The following COL17A1 variants were observed in gnomAD, a reference collection of about 807,000 sequenced individuals.
The protein encoded by COL17A1 is collagen alpha-1(XVII) chain.
COL17A1 carries 181 observed loss-of-function variants against 218.4 expected under a neutral mutation model. The observed-to-expected ratio is 0.83, with a 90% CI of 0.73 to 0.94. COL17A1 has a LOEUF of 0.94. Ranked by LOEUF, COL17A1 falls within the 40% of genes least tolerant of loss-of-function variation. The pLI is 0.00. For missense variants in COL17A1, 1,924 were observed against 1,945.9 expected (o/e 0.99, Z 0.21); for synonymous variants, 721 against 731.0 (o/e 0.99, Z 0.22).
At chr10:104,067,289 A>G (rs766553652) in intron 9 of COL17A1, among the ~76,000 whole-genome samples, 2 of 149,922 alleles carry the variant, frequency 1.3e-5, no homozygotes, top group African/African-American at 2.4e-5. Context: ...AGCTTCAACA[A>G]GTAAAAGAGG....
At chr10:104,046,384 C>T (rs964787086) in intron 32 of COL17A1, among the ~76,000 whole-genome samples, 15 of 152,194 alleles carry the variant, frequency 9.9e-5, no homozygotes, top group Middle Eastern at 3.2e-3. Context: ...CAAGGATGAG[C>T]GCCCATGCCC....
At chr10:104,063,423 CT>C in intron 11 of COL17A1, 1 of 357,988 alleles carries the variant, frequency 2.8e-6, no homozygotes, top group Admixed American at 3.9e-5. Flanking sequence ...TAAAATCCTT[CT>C]AAATTAACAA....
Position 104,057,021 on chromosome 10 carries a change from G to A in COL17A1, c.1419C>T (p.Leu473=). ...SWWKWLLGLL[L]TWLLLLGLLF... ...GCAGCCCCAGGAGTAGCAGCCAGGT[G>A]AGCAGCAGGCCCAGCAGCCACTTCC... Residue 473 remains leucine (L), a synonymous_variant, in exon 17 of 56, where the codon CTC becomes CTT. Transcript: ENST00000648076. The A allele has an allele frequency of 6.3e-7, 1 of 1,596,052 alleles. No individual in the cohort carries two copies. The highest frequency in any genetic ancestry group is 1.1e-5 in the South Asian group (1 of 89,796).
chr10:104,063,915 T>C, intron 10 of COL17A1, 97 bp from the exon 11 acceptor site: 1 of 1,557,224 alleles, frequency 6.4e-7, no homozygotes, highest in Non-Finnish European at 8.8e-7. Flanking sequence ...AATGCCAGGA[T>C]TGGGTTTTTA....
chr10:104,060,391 T>G, intron 13 of COL17A1, 111 bp from the exon 14 acceptor site: 40 of 1,393,548 alleles, frequency 2.9e-5, no homozygotes, highest in Admixed American at 3.9e-5. Flanking sequence ...GGAGGTAAAT[T>G]AGCAGGTGTG....
At position 104,076,717 on chromosome 10, in the gene COL17A1, G is replaced by A. The variant is rs190016165; in HGVS notation, c.203-288C>T. On this transcript the variant is annotated intron_variant, in intron 4 of 55. Coordinates refer to ENST00000648076, the MANE Select transcript of COL17A1 (RefSeq NM_000494.4). ...ATGGACTAGAATATAATCCAGCGTG[G>A]AAGTGTGCCTCAACAGGTAAGGGCA... 1.5e-3 allele frequency among the ~76,000 whole-genome samples: 234 copies of A among 152,318 alleles called. 1 individual carries two copies. Among genetic ancestry groups the A allele is most frequent in the Non-Finnish European group, 2.9e-3 (200 of 68,038 alleles).
intron 26 of COL17A1, 25 bp downstream of exon 26, chr10:104,050,823 C>T: frequency 1.2e-6 from 2 of 1,614,052 alleles, no homozygotes; most frequent in Non-Finnish European, 1.7e-6. Context: ...CCCTCACTGT[C>T]CCCCCAGGCC....
At chr10:104,053,474 C>G (rs982796049) in intron 22 of COL17A1, among the ~76,000 whole-genome samples, 8 of 152,272 alleles carry the variant, frequency 5.3e-5, no homozygotes, top group East Asian at 1.9e-4. Flanking sequence ...CTTCCCCTTC[C>G]TGATGCTCCT....
At chr10:104,080,732 T>C in intron 1 of COL17A1, 48 bp from the exon 2 acceptor site, 1 of 1,591,270 alleles carries the variant, frequency 6.3e-7, no homozygotes. Flanking sequence ...TCATTGTTTT[T>C]AGTAATTATA....
At chr10:104,084,767 G>C (rs1589581893) in intron 1 of COL17A1, among the ~76,000 whole-genome samples, 1 of 152,146 alleles carries the variant, frequency 6.6e-6, no homozygotes. Context: ...TCTGTCTTAG[G>C]TTAGTTCTGA....
intron 8 of COL17A1, among the ~76,000 whole-genome samples, chr10:104,070,956 A>C (rs961375573): frequency 3.3e-5 from 5 of 152,174 alleles, no homozygotes; most frequent in Admixed American, 2.0e-4. Flanking sequence ...CCTGCACAGG[A>C]TGCATCTGAT....
intron 9 of COL17A1, among the ~76,000 whole-genome samples, chr10:104,067,175 C>A (rs1005637443): frequency 6.6e-6 from 1 of 151,992 alleles, no homozygotes; most frequent in African/African-American, 2.4e-5. Flanking sequence ...GATGGAATAA[C>A]AATAACCCCA....
rs1201634105 is a variant in COL17A1, at chr10:104,043,978, GGC to G, written c.2399-120_2399-119del. 4 of 1,090,854 alleles carry G rather than the reference GGC, an allele frequency of 3.7e-6. No homozygotes were observed. In the Admixed American group the frequency reaches 6.8e-5, roughly 19 times the overall value. 67.6% of individuals were successfully genotyped at this position (1,090,854 alleles called of 1,614,324 possible). A position where few individuals can be genotyped will look rare whatever the true frequency, so the allele number is the denominator to read the frequency against. ...CCCACTTCTGGGCCTCTCACCATCA[GGC>G]TAAAGGCATTTTAATGAACTGAAGG... On this transcript the variant is annotated intron_variant, in intron 33 of 55. Coordinates refer to ENST00000648076, the MANE Select transcript of COL17A1 (RefSeq NM_000494.4).
chr10:104,062,255 G>A lies in COL17A1; in HGVS notation c.910+3C>T. On this transcript the variant is annotated splice_donor_region_variant and intron_variant, in intron 12 of 55. Transcript: ENST00000648076. ...GCCTAAGCTCCAACCCTAGCCTACT[G>A]ACCTGTGGAAGTGGTGGTGGTGCCA... 6.2e-7 allele frequency: 1 copy of A among 1,614,210 alleles called. No individual in the cohort carries two copies. Among genetic ancestry groups the A allele is most frequent in the South Asian group, 1.1e-5 (1 of 91,086 alleles).
intron 35 of COL17A1, among the ~76,000 whole-genome samples, 163 bp from the exon 36 acceptor site, chr10:104,042,618 C>T (rs971738892): frequency 5.3e-5 from 8 of 152,172 alleles, no homozygotes; most frequent in African/African-American, 1.7e-4. Flanking sequence ...GGTCCAGTTG[C>T]GTGAGAACAT....
At chr10:104,078,489 G>A (rs1177871517) in intron 3 of COL17A1, 53 bp downstream of exon 3, 3 of 1,612,584 alleles carry the variant, frequency 1.9e-6, no homozygotes, top group African/African-American at 2.7e-5. Flanking sequence ...TACAGGTGTG[G>A]GGCCCTTCAA....
intron 52 of COL17A1, 74 bp downstream of exon 52, chr10:104,033,871 A>T: frequency 6.2e-7 from 1 of 1,605,162 alleles, no homozygotes; most frequent in Non-Finnish European, 8.5e-7. Flanking sequence ...GGGGTTCCAC[A>T]AACAAGAAAG....
At chr10:104,071,886 C>A in intron 8 of COL17A1, 146 bp downstream of exon 8, 1 of 1,359,170 alleles carries the variant, frequency 7.4e-7, no homozygotes, top group South Asian at 1.3e-5. Flanking sequence ...TCACAGAAGA[C>A]CCTTAAAGAT....
At chr10:104,044,423 C>T (rs1308967275) in intron 33 of COL17A1, among the ~76,000 whole-genome samples, 1 of 152,188 alleles carries the variant, frequency 6.6e-6, no homozygotes, top group African/African-American at 2.4e-5. Flanking sequence ...GGAGAACTTT[C>T]GAGAAGAGGA....
Sources: allele counts gnomAD v4.1 joint callset (sites outside exome capture counted in the v4.1 genomes callset), GRCh38; gene constraint gnomAD v4.1.1; transcripts MANE v1.5; gene names NCBI Gene and HGNC (gene_info 2026-07-23, HGNC 2026-07-21).